PAMR1: variants seen among roughly 807,000 people sequenced by gnomAD.
PAMR1 encodes inactive serine protease PAMR1.
A neutral mutation model predicts 81.8 loss-of-function variants in PAMR1; 88 were observed. The ratio of observed to expected loss-of-function variants is 1.08; its 90% CI spans 0.91 to 1.28. The LOEUF (loss-of-function observed/expected upper bound fraction) is 1.28, where lower values mean the gene tolerates loss of function less well. Among genes scored for constraint, PAMR1 ranks in the 50% most tolerant of loss-of-function variants. The pLI, the probability that PAMR1 is intolerant of heterozygous loss-of-function variation, is 0.00. For missense variants in PAMR1, 935 were observed against 919.7 expected (o/e 1.02, Z -0.21); for synonymous variants, 336 against 345.3 (o/e 0.97, Z 0.30).
chr11:35,474,668 C>G lies in PAMR1; in HGVS notation c.456G>C (p.Trp152Cys), dbSNP rs1438050250. Residue 152 changes from tryptophan to cysteine, a missense_variant, in exon 4 of 11, where the codon TGG becomes TGC. Coordinates refer to ENST00000619888, the MANE Select transcript of PAMR1 (RefSeq NM_001001991.3). ...CAAACCCAGGTTTAGCATGAATGGTCCATTCACAGTGAGCATTTAGGGGAT... is the reference window on the plus strand; with the variant it reads ...CAAACCCAGGTTTAGCATGAATGGTGCATTCACAGTGAGCATTTAGGGGAT... ...ESYPLNAHCE[W>C]TIHAKPGFVI... is the part of the protein sequence containing the mutation. 3.1e-6 allele frequency: 5 copies of G among 1,609,668 alleles called. No homozygotes were observed. Among genetic ancestry groups the G allele is most frequent in the Non-Finnish European group, 4.2e-6 (5 of 1,178,202 alleles).
At chr11:35,438,524 C>T (rs531404243) in intron 8 of PAMR1, among the ~76,000 whole-genome samples, 1 of 152,332 alleles carries the variant, frequency 6.6e-6, no homozygotes, top group South Asian at 2.1e-4. Flanking sequence ...GCACTAAAGA[C>T]AGAGGCAGAC....
rs1392257136 is a variant in PAMR1, at chr11:35,432,642, T to C, written c.1877A>G (p.Asp626Gly). The C allele has an allele frequency of 3.7e-6, 6 of 1,613,818 alleles. No homozygotes were observed. The highest frequency in any genetic ancestry group is 5.1e-6 in the Non-Finnish European group (6 of 1,179,936). Residue 626 changes from aspartate (D) to glycine (G), a missense_variant, in exon 11 of 11, where the codon GAC becomes GGC. Coordinates refer to ENST00000619888, the MANE Select transcript of PAMR1 (RefSeq NM_001001991.3). ...TLRSGVVSVV[D>G]SLLCEEQHED... is the part of the protein sequence containing the mutation. ...ATGCTGCTCCTCACACAGCAGCGAG[T>C]CCACCACACTGACCACCCCAGAGCG...
At chr11:35,435,298 T>G (rs1052181357) in intron 9 of PAMR1, among the ~76,000 whole-genome samples, 3 of 152,192 alleles carry the variant, frequency 2.0e-5, no homozygotes, top group Admixed American at 6.5e-5. Context: ...ATCCGGACAC[T>G]TTGACATATT....
chr11:35,453,925 T>C (rs1205558994), intron 6 of PAMR1, among the ~76,000 whole-genome samples: 1 of 152,182 alleles, frequency 6.6e-6, no homozygotes, highest in South Asian at 2.1e-4. Context: ...AGAAACACAC[T>C]AGGTTTAGCA....
chr11:35,470,590 T>C lies in PAMR1; in HGVS notation c.712+11A>G. On this transcript the variant is annotated intron_variant, in intron 5 of 10. Coordinates refer to ENST00000619888, the MANE Select transcript of PAMR1 (RefSeq NM_001001991.3). ...GCCATAAAATGCCACATTTGTCTCC[T>C]TGGCCTTTACCTGTGATCTCCTCAT... 1 of 1,607,728 alleles carries C rather than the reference T, an allele frequency of 6.2e-7. No individual in the cohort carries two copies.
chr11:35,486,445 T>C (rs1850509675), intron 3 of PAMR1, among the ~76,000 whole-genome samples: 1 of 152,244 alleles, frequency 6.6e-6, no homozygotes, highest in African/African-American at 2.4e-5. Context: ...TCATTGTACA[T>C]CCAGCACCTA....
intron 6 of PAMR1, among the ~76,000 whole-genome samples, chr11:35,442,110 A>G (rs1856183410): frequency 1.3e-5 from 2 of 152,216 alleles, no homozygotes; most frequent in African/African-American, 2.4e-5. Flanking sequence ...AAACTATTCC[A>G]TTTCCTATTT....
rs191983523 is a variant in PAMR1 at position 35,492,252 on chromosome 11, C to A, written c.251-79G>T. Reference sequence around the variant, plus strand: ...TCAGCTGCATGGGAGCACAACTGCACCTTCTCAGGGCCCTGTCTCAACTAA... The same window carrying A: ...TCAGCTGCATGGGAGCACAACTGCAACTTCTCAGGGCCCTGTCTCAACTAA... On this transcript the variant is annotated intron_variant, in intron 2 of 10. Coordinates refer to ENST00000619888, the MANE Select transcript of PAMR1 (RefSeq NM_001001991.3). 9.4e-6 allele frequency: 14 copies of A among 1,487,812 alleles called. No individual in the cohort carries two copies. In the African/African-American group the frequency reaches 1.8e-4, roughly 19 times the overall value. 92.2% of individuals were successfully genotyped at this position (1,487,812 alleles called of 1,614,324 possible). A position where few individuals can be genotyped will look rare whatever the true frequency, so the allele number is the denominator to read the frequency against.
intron 3 of PAMR1, among the ~76,000 whole-genome samples, chr11:35,482,246 C>T (rs929877019): frequency 1.3e-5 from 2 of 152,172 alleles, no homozygotes; most frequent in African/African-American, 4.8e-5. Context: ...TTTGAGTTTT[C>T]TGCATATGGC....
chr11:35,506,815 C>T (rs935264004), intron 1 of PAMR1, among the ~76,000 whole-genome samples: 1 of 150,174 alleles, frequency 6.7e-6, no homozygotes, highest in Non-Finnish European at 1.5e-5. Flanking sequence ...GTTTGGTGTT[C>T]TCTGACCTTC....
Position 35,466,595 on chromosome 11 carries a change from C to T in PAMR1, c.820+1406G>A, listed in dbSNP as rs188107901. Among the ~76,000 whole-genome samples the T allele has an allele frequency of 7.4e-4, 113 of 151,868 alleles. 1 individual carries two copies. The highest frequency in any genetic ancestry group is 5.4e-3 in the Admixed American group (83 of 15,270). ...ACAAAAAATTAGCCGGGTGTGGTGGCGGGCGCCTGTAGTCCCAGCTACTTG... is the reference window on the plus strand; with the variant it reads ...ACAAAAAATTAGCCGGGTGTGGTGGTGGGCGCCTGTAGTCCCAGCTACTTG... On this transcript the variant is annotated intron_variant, in intron 6 of 10. Transcript: ENST00000619888.
intron 3 of PAMR1, among the ~76,000 whole-genome samples, chr11:35,485,234 A>G (rs146897839): frequency 1.8e-4 from 28 of 152,350 alleles, no homozygotes; most frequent in African/African-American, 6.7e-4. Flanking sequence ...AAAAATTATG[A>G]TAACACTATG....
intron 4 of PAMR1, among the ~76,000 whole-genome samples, chr11:35,471,440 T>C (rs1231310967): frequency 6.6e-6 from 1 of 152,184 alleles, no homozygotes; most frequent in East Asian, 1.9e-4. Flanking sequence ...TACTTTATTG[T>C]AATTTTATAG....
At chr11:35,436,931 CATT>C (rs1464173794) in intron 8 of PAMR1, among the ~76,000 whole-genome samples, 2 of 152,058 alleles carry the variant, frequency 1.3e-5, no homozygotes, top group Non-Finnish European at 2.9e-5. Flanking sequence ...TTCCTCCAAA[CATT>C]ATCATAATGG....
intron 1 of PAMR1, 133 bp downstream of exon 1, chr11:35,525,380 C>A (rs576665840): frequency 5.8e-6 from 4 of 691,730 alleles, no homozygotes; most frequent in East Asian, 2.7e-5. Context: ...CACCACCCCC[C>A]CTCAACCCCT....
chr11:35,484,620 T>C (rs1250878025), intron 3 of PAMR1, among the ~76,000 whole-genome samples: 2 of 152,248 alleles, frequency 1.3e-5, no homozygotes, highest in Non-Finnish European at 2.9e-5. Flanking sequence ...TGGGCATGGC[T>C]TATGGCCAGT....
rs760816665 is a variant in PAMR1 at position 35,434,714 on chromosome 11, A to G, written c.1424T>C (p.Val475Ala). ...TCCCTTGTGTAGGCTGCCGTCATGC[A>G]CCCCGCTGGTCCTCCTGTAGATGGC... is the stretch of plus-strand genomic sequence containing the variant. ...QAAIYRRTSGVHDGSLHKGAW... is the reference protein window; with the variant it reads ...QAAIYRRTSGAHDGSLHKGAW... Residue 475 changes from valine to alanine, a missense_variant, in exon 10 of 11, where the codon GTG becomes GCG. Val to Ala is a moderately conservative substitution (Grantham distance 64). Transcript: ENST00000619888. The G allele has an allele frequency of 1.2e-6, 2 of 1,613,900 alleles. No homozygotes were observed. The highest frequency in any genetic ancestry group is 1.7e-6 in the Non-Finnish European group (2 of 1,180,020).
At chr11:35,498,969 G>A (rs1481178588) in intron 1 of PAMR1, among the ~76,000 whole-genome samples, 2 of 152,182 alleles carry the variant, frequency 1.3e-5, no homozygotes, top group Non-Finnish European at 2.9e-5. Flanking sequence ...TTTACCTGCT[G>A]ACTGTCTGCC....
intron 6 of PAMR1, among the ~76,000 whole-genome samples, chr11:35,454,996 T>C (rs1238734201): frequency 6.6e-6 from 1 of 152,224 alleles, no homozygotes; most frequent in Non-Finnish European, 1.5e-5. Context: ...GCAAGTAACC[T>C]TTTTACAAGT....
Sources: allele counts gnomAD v4.1 joint callset (sites outside exome capture counted in the v4.1 genomes callset), GRCh38; gene constraint gnomAD v4.1.1; transcripts MANE v1.5; gene names NCBI Gene and HGNC (gene_info 2026-07-23, HGNC 2026-07-21).